CCDC146: variants seen among roughly 807,000 people sequenced by gnomAD.
CCDC146 encodes coiled-coil domain-containing protein 146.
Under a neutral mutation model 119.3 loss-of-function variants are expected in CCDC146, and 92 were observed. That is an observed-to-expected ratio of 0.77 (90% CI 0.65 to 0.92). The LOEUF is 0.92. CCDC146 is among the 40% of genes least tolerant of loss of function. The pLI is 0.00. For missense variants in CCDC146, 1,000 were observed against 1,103.0 expected, an observed-to-expected ratio of 0.91 and a Z score of 1.32; for synonymous variants, 372 against 371.8, an observed-to-expected ratio of 1.00 and a Z score of -0.01.
chr7:77,247,113 T>C lies in CCDC146; in HGVS notation c.449+5213T>C, dbSNP rs181042362. Among the ~76,000 whole-genome samples the C allele has an allele frequency of 2.4e-4, 36 of 152,272 alleles. 1 individual carries two copies. Among genetic ancestry groups the C allele is most frequent in the African/African-American group, 8.4e-4 (35 of 41,556 alleles). ...AAGATAACAGGGAAAATAAAAATGA[T>C]CAACCATGTGTGATGGAGTAGGATT... On this transcript the variant is annotated intron_variant, in intron 4 of 18. Transcript: ENST00000285871.
chr7:77,251,590 C>G (rs982398310), intron 4 of CCDC146, among the ~76,000 whole-genome samples: 1 of 152,000 alleles, frequency 6.6e-6, no homozygotes, highest in African/African-American at 2.4e-5. Flanking sequence ...AATAGGACTT[C>G]AGGAACATGG....
chr7:77,290,695 A>AT (rs1050435621), intron 17 of CCDC146, among the ~76,000 whole-genome samples: 2 of 149,558 alleles, frequency 1.3e-5, no homozygotes, highest in African/African-American at 5.0e-5. Flanking sequence ...AGTGGTAGTC[A>AT]TTTTTATTTG....
At chr7:77,191,385 G>GTGGCCTCT (rs1259912171) in intron 2 of CCDC146, among the ~76,000 whole-genome samples, 1 of 151,950 alleles carries the variant, frequency 6.6e-6, no homozygotes, top group East Asian at 1.9e-4. Context: ...AATCATAACT[G>GTGGCCTCT]TGGCCTCTTT....
At chr7:77,288,280 G>A (rs1017675268) in intron 17 of CCDC146, among the ~76,000 whole-genome samples, 5 of 152,202 alleles carry the variant, frequency 3.3e-5, no homozygotes, top group Non-Finnish European at 5.9e-5. Context: ...CTATTAGTTC[G>A]TTTGCATTGC....
intron 2 of CCDC146, among the ~76,000 whole-genome samples, chr7:77,231,099 T>C (rs1193051767): frequency 1.3e-5 from 2 of 152,322 alleles, no homozygotes; most frequent in East Asian, 3.9e-4. Context: ...CCACCTGAAA[T>C]GTGAATCATC....
intron 2 of CCDC146, among the ~76,000 whole-genome samples, chr7:77,170,587 C>T (rs1219917929): frequency 1.3e-5 from 2 of 152,132 alleles, no homozygotes; most frequent in Admixed American, 6.6e-5. Context: ...AACTAAAGAG[C>T]CTCTTCACAG....
intron 2 of CCDC146, among the ~76,000 whole-genome samples, chr7:77,217,253 T>G (rs1430015531): frequency 6.6e-6 from 1 of 151,886 alleles, no homozygotes; most frequent in Non-Finnish European, 1.5e-5. Context: ...TCCCAAGGAA[T>G]AAGACATTCC....
intron 9 of CCDC146, among the ~76,000 whole-genome samples, chr7:77,262,570 A>G (rs971121831): frequency 4.6e-5 from 7 of 152,234 alleles, no homozygotes; most frequent in Non-Finnish European, 1.0e-4. Context: ...TGACTGGACT[A>G]TCCAGTTCTA....
In CCDC146 at chr7:77,253,741, G is replaced by A. The variant is rs1036550907; in HGVS notation, c.450-765G>A. Among the ~76,000 whole-genome samples the A allele has an allele frequency of 1.4e-4, 21 of 152,202 alleles. 1 individual carries two copies. Among genetic ancestry groups the A allele is most frequent in the African/African-American group, 4.8e-4 (20 of 41,450 alleles). On this transcript the variant is annotated intron_variant, in intron 4 of 18. Coordinates refer to ENST00000285871, the MANE Select transcript of CCDC146 (RefSeq NM_020879.3). ...TAAAGCAAAACAAGGAAAGAGTTTT[G>A]AGGACTATTGGTACTGTTTTAGATA...
chr7:77,175,229 C>T lies in CCDC146; in HGVS notation c.156+7405C>T, dbSNP rs547841531. On this transcript the variant is annotated intron_variant, in intron 2 of 18. Transcript: ENST00000285871. ...AAAACATTAAATTATTTCGCCTAAGCGAAATAATTGGCTCTTTGCTTTTTA... is the reference window on the plus strand; with the variant it reads ...AAAACATTAAATTATTTCGCCTAAGTGAAATAATTGGCTCTTTGCTTTTTA... 1.3e-4 allele frequency among the ~76,000 whole-genome samples: 19 copies of T among 150,852 alleles called. 1 individual carries two copies. In the South Asian group the frequency reaches 3.1e-3, roughly 25 times the overall value.
At chr7:77,187,547 C>G (rs1291393118) in intron 2 of CCDC146, among the ~76,000 whole-genome samples, 3 of 152,338 alleles carry the variant, frequency 2.0e-5, no homozygotes, top group South Asian at 4.1e-4. Flanking sequence ...CAGTTACCAT[C>G]ATTTTGGGTT....
intron 1 of CCDC146, among the ~76,000 whole-genome samples, chr7:77,126,872 T>C (rs1790695930): frequency 2.0e-5 from 3 of 152,178 alleles, no homozygotes; most frequent in South Asian, 4.1e-4. Context: ...GACCAGCAGT[T>C]GGCCCCCAGC....
intron 1 of CCDC146, among the ~76,000 whole-genome samples, chr7:77,142,307 T>C (rs1790945521): frequency 1.1e-5 from 1 of 92,954 alleles, no homozygotes. Flanking sequence ...TGATTGTACA[T>C]TTATTTATTT....
rs989890082 is a variant in CCDC146 at position 77,256,926 on chromosome 7, A to G, written c.684+417A>G. On this transcript the variant is annotated intron_variant, in intron 6 of 18. Coordinates refer to ENST00000285871, the MANE Select transcript of CCDC146 (RefSeq NM_020879.3). ...CGAGACCAGCCTGGCCAACATGGTG[A>G]AACCCTGTCTCTACTAAAAATACAA... Among the ~76,000 whole-genome samples the G allele has an allele frequency of 4.6e-5, 7 of 152,308 alleles. 1 individual carries two copies. The highest frequency in any genetic ancestry group is 4.6e-4 in the Admixed American group (7 of 15,302).
chr7:77,230,358 G>C (rs1332847271), intron 2 of CCDC146, among the ~76,000 whole-genome samples: 3 of 152,100 alleles, frequency 2.0e-5, no homozygotes, highest in Non-Finnish European at 4.4e-5. Flanking sequence ...AGCATGAAGA[G>C]CTTACTTTAT....
chr7:77,172,168 T>C (rs1447257048), intron 2 of CCDC146, among the ~76,000 whole-genome samples: 1 of 152,226 alleles, frequency 6.6e-6, no homozygotes, highest in East Asian at 1.9e-4. Flanking sequence ...GAAAACTTTA[T>C]TTCCGTAACA....
chr7:77,192,077 C>T (rs1791777253), intron 2 of CCDC146, among the ~76,000 whole-genome samples: 1 of 151,858 alleles, frequency 6.6e-6, no homozygotes, highest in Non-Finnish European at 1.5e-5. Flanking sequence ...CAGGTGTGAG[C>T]CACCACACCT....
rs1386543961 is a variant in CCDC146 at position 77,274,459 on chromosome 7, TTATCTGTGTTTTTTTTCAAAAGAAAATTA to T, written c.1270-18_1280del. 1.4e-6 allele frequency: 2 copies of T among 1,399,954 alleles called. No individual in the cohort carries two copies. The highest frequency in any genetic ancestry group is 1.9e-6 in the Non-Finnish European group (2 of 1,031,998). The allele number at this position is 1,399,954 out of a possible 1,614,324, so 86.7% of individuals were successfully genotyped here. A position where few individuals can be genotyped will look rare whatever the true frequency, so the allele number is the denominator to read the frequency against. On this transcript the variant is annotated splice_acceptor_variant and splice_polypyrimidine_tract_variant and coding_sequence_variant and intron_variant, in exon 11 of 19. Coordinates refer to ENST00000285871, the MANE Select transcript of CCDC146 (RefSeq NM_020879.3). LOFTEE classifies it high-confidence loss of function. Reference sequence around the variant, plus strand: ...TACTTCAAACAAATAACTTATAATATTATCTGTGTTTTTTTTCAAAAGAAAATTATATCAGAAATGGAGTCTAAGTTAGT... The same window carrying T: ...TACTTCAAACAAATAACTTATAATATTATCAGAAATGGAGTCTAAGTTAGT...
chr7:77,256,607 A>G, intron 6 of CCDC146, 98 bp downstream of exon 6: 1 of 923,842 alleles, frequency 1.1e-6, no homozygotes, highest in Non-Finnish European at 1.7e-6. Context: ...AAAGAGGGGT[A>G]TTGTCTCACA....
Sources: allele counts gnomAD v4.1 joint callset (sites outside exome capture counted in the v4.1 genomes callset), GRCh38; gene constraint gnomAD v4.1.1; transcripts MANE v1.5; gene names NCBI Gene and HGNC (gene_info 2026-07-23, HGNC 2026-07-21).